Variants in AHR observed in about 807,000 individuals in gnomAD.
AHR encodes aryl hydrocarbon receptor.
In AHR, 40 loss-of-function variants were observed where a neutral mutation model predicts 86.8. That is an observed-to-expected ratio of 0.46 (90% confidence interval 0.36 to 0.60). AHR has a LOEUF of 0.60. Among genes scored for constraint, AHR ranks in the 20% least tolerant of loss-of-function variants. AHR has a pLI of 0.00. For synonymous variants in AHR, 398 were observed against 354.9 expected (o/e 1.12, Z -1.37); for missense variants, 1,001 against 1,011.6 (o/e 0.99, Z 0.14).
chr7:17,310,172 T>G, intron 2 of AHR, 49 bp downstream of exon 2: 1 of 1,515,220 alleles, frequency 6.6e-7, no homozygotes, highest in Non-Finnish European at 9.1e-7. Flanking sequence ...AAAAAATACT[T>G]GTACTAGATA....
chr7:17,334,615 A>AT (rs1562481146), intron 7 of AHR, among the ~76,000 whole-genome samples: 4 of 152,040 alleles, frequency 2.6e-5, no homozygotes, highest in Admixed American at 6.6e-5. Context: ...TCTGTTACCC[A>AT]TACATCTGCT....
chr7:17,322,692 T>G (rs1782187171), intron 3 of AHR, 85 bp downstream of exon 3: 1 of 906,566 alleles, frequency 1.1e-6, no homozygotes, highest in African/African-American at 1.7e-5. Context: ...AATTCCCTGT[T>G]TACTTAGGAT....
Position 17,298,977 on chromosome 7 carries a change from C to G in AHR, c.-288C>G. On this transcript the variant is annotated 5_prime_UTR_variant, in exon 1 of 11. Coordinates refer to ENST00000242057, the MANE Select transcript of AHR (RefSeq NM_001621.5). Reference sequence around the variant, plus strand: ...GCGGGCATTGCCGCGCCGCCTCCGCCGGTGTAGACGGCACCTGCGCCGCCT... The same window carrying G: ...GCGGGCATTGCCGCGCCGCCTCCGCGGGTGTAGACGGCACCTGCGCCGCCT... The G allele has an allele frequency of 2.3e-6, 1 of 444,116 alleles. No individual in the cohort carries two copies. Among genetic ancestry groups the G allele is most frequent in the Admixed American group, 4.4e-5 (1 of 22,882 alleles). 27.5% of individuals were successfully genotyped at this position (444,116 alleles called of 1,614,324 possible). A position where few individuals can be genotyped will look rare whatever the true frequency, so the allele number is the denominator to read the frequency against.
rs1407443661 is a variant in AHR, at chr7:17,345,746, G to A, written c.*2682G>A. ...TATAAAATAACTAAAATGTATCTAA[G>A]AATAATAAAATCACGTTAAACCAAA... On this transcript the variant is annotated 3_prime_UTR_variant, in exon 11 of 11. Coordinates refer to ENST00000242057, the MANE Select transcript of AHR (RefSeq NM_001621.5). The A allele has an allele frequency of 2.6e-5, 4 of 152,638 alleles. No homozygotes were observed. The highest frequency in any genetic ancestry group is 9.7e-5 in the African/African-American group (4 of 41,418). The allele number at this position is 152,638 out of a possible 1,614,324, so 9.5% of individuals were successfully genotyped here. A position where few individuals can be genotyped will look rare whatever the true frequency, so the allele number is the denominator to read the frequency against.
chr7:17,326,100 G>C (rs1782227419), intron 3 of AHR, among the ~76,000 whole-genome samples: 1 of 152,128 alleles, frequency 6.6e-6, no homozygotes, highest in Non-Finnish European at 1.5e-5. Context: ...GTGACCTTGG[G>C]CAAGTTACTT....
intron 9 of AHR, among the ~76,000 whole-genome samples, chr7:17,338,715 T>A (rs1192993932): frequency 6.6e-6 from 1 of 152,054 alleles, no homozygotes; most frequent in East Asian, 1.9e-4. Context: ...ATTTATTATT[T>A]TTTTCTTTTT....
chr7:17,324,443 C>T (rs1782206509), intron 3 of AHR, among the ~76,000 whole-genome samples: 1 of 152,150 alleles, frequency 6.6e-6, no homozygotes, highest in African/African-American at 2.4e-5. Context: ...ACCATATGGC[C>T]TAAAACTTTT....
chr7:17,330,599 A>C (rs760994632), intron 5 of AHR, among the ~76,000 whole-genome samples, 157 bp from the exon 6 acceptor site: 1 of 152,004 alleles, frequency 6.6e-6, no homozygotes, highest in Non-Finnish European at 1.5e-5. Flanking sequence ...GATATTTAAT[A>C]AACTTTTAGT....
intron 4 of AHR, 24 bp downstream of exon 4, chr7:17,327,872 TTTATA>T (rs1376574521): frequency 9.6e-7 from 1 of 1,044,334 alleles, no homozygotes. Context: ...ATTTATATCA[TTTATA>T]TTATTATATC....
intron 2 of AHR, among the ~76,000 whole-genome samples, chr7:17,311,160 A>G (rs930221687): frequency 6.6e-6 from 1 of 152,212 alleles, no homozygotes; most frequent in Non-Finnish European, 1.5e-5. Flanking sequence ...TTATCTGTCT[A>G]TAAGGCAGAA....
At chr7:17,340,710 C>A (rs1326242398) in intron 10 of AHR, among the ~76,000 whole-genome samples, 1 of 152,124 alleles carries the variant, frequency 6.6e-6, no homozygotes, top group Non-Finnish European at 1.5e-5. Flanking sequence ...TGCTTTCTTA[C>A]AATGCCTCTG....
intron 10 of AHR, among the ~76,000 whole-genome samples, chr7:17,341,150 A>G (rs543404959): frequency 2.6e-5 from 4 of 152,018 alleles, no homozygotes; most frequent in Non-Finnish European, 5.9e-5. Context: ...ACCCCTGTTT[A>G]CTCTGTATTA....
In AHR at chr7:17,298,800, G is replaced by A. The variant is rs913247899; in HGVS notation, c.-465G>A. 8 of 398,232 alleles carry A rather than the reference G, an allele frequency of 2.0e-5. No homozygotes were observed. The highest frequency in any genetic ancestry group is 4.1e-5 in the African/African-American group (2 of 48,582). 24.7% of individuals were successfully genotyped at this position (398,232 alleles called of 1,614,324 possible). A position where few individuals can be genotyped will look rare whatever the true frequency, so the allele number is the denominator to read the frequency against. Reference sequence around the variant, plus strand: ...GAGCTCCGCAGGCGGGAAGCACCCTGGATTTAGGAAGTCCCGGGAGCAGCG... The same window carrying A: ...GAGCTCCGCAGGCGGGAAGCACCCTAGATTTAGGAAGTCCCGGGAGCAGCG... On this transcript the variant is annotated 5_prime_UTR_variant, in exon 1 of 11. Transcript: ENST00000242057.
rs1782474055 is a variant in AHR, at chr7:17,345,520, G to A, written c.*2456G>A. ...ATGAGGTATCTAAGGATTTAGACCA[G>A]AGGTCTAGATTAATACTCTATTTTT... is the stretch of plus-strand genomic sequence containing the variant. On this transcript the variant is annotated 3_prime_UTR_variant, in exon 11 of 11. Transcript: ENST00000242057. 6.6e-6 allele frequency: 1 copy of A among 152,566 alleles called. No individual in the cohort carries two copies. Among genetic ancestry groups the A allele is most frequent in the Non-Finnish European group, 1.5e-5 (1 of 68,016 alleles). 9.5% of individuals were successfully genotyped at this position (152,566 alleles called of 1,614,324 possible). A position where few individuals can be genotyped will look rare whatever the true frequency, so the allele number is the denominator to read the frequency against.
At chr7:17,327,660 A>G in intron 3 of AHR, 99 bp from the exon 4 acceptor site, 1 of 540,638 alleles carries the variant, frequency 1.8e-6, no homozygotes, top group South Asian at 4.0e-5. Context: ...AATTTTAACT[A>G]TTTTGAAGAG....
At position 17,299,175 on chromosome 7, in the gene AHR, C is replaced by T. The variant is rs1781925635; in HGVS notation, c.-90C>T. On this transcript the variant is annotated 5_prime_UTR_variant, in exon 1 of 11. Coordinates refer to ENST00000242057, the MANE Select transcript of AHR (RefSeq NM_001621.5). ...GGGCGCGGCTTCGCGGAACCCGGCG[C>T]CGGCCGCCGCAGTGGTCCCAGCCTA... 1.4e-6 allele frequency: 2 copies of T among 1,411,708 alleles called. No homozygotes were observed. The highest frequency in any genetic ancestry group is 5.4e-5 in the Admixed American group (2 of 37,014). The allele number at this position is 1,411,708 out of a possible 1,614,324, so 87.4% of individuals were successfully genotyped here. A position where few individuals can be genotyped will look rare whatever the true frequency, so the allele number is the denominator to read the frequency against.
intron 1 of AHR, among the ~76,000 whole-genome samples, chr7:17,305,781 A>G (rs1404823289): frequency 1.3e-5 from 2 of 152,136 alleles, no homozygotes; most frequent in African/African-American, 2.4e-5. Flanking sequence ...TTATGAGTAA[A>G]CTTGGTTAAT....
chr7:17,338,636 A>G (rs1222931152), intron 9 of AHR, among the ~76,000 whole-genome samples: 1 of 152,174 alleles, frequency 6.6e-6, no homozygotes, highest in East Asian at 1.9e-4. Context: ...AATTACAGGC[A>G]TGCACCACCA....
chr7:17,300,751 T>A (rs1301326374), intron 1 of AHR, among the ~76,000 whole-genome samples: 1 of 152,168 alleles, frequency 6.6e-6, no homozygotes. Context: ...CATTGATGGT[T>A]AAAGTTGGGA....
Sources: allele counts gnomAD v4.1 joint callset (sites outside exome capture counted in the v4.1 genomes callset), GRCh38; gene constraint gnomAD v4.1.1; transcripts MANE v1.5; gene names NCBI Gene and HGNC (gene_info 2026-07-23, HGNC 2026-07-21).